The following GLDN variants were observed in gnomAD, a reference collection of about 807,000 sequenced individuals.
GLDN encodes collomin.
In GLDN, 47 loss-of-function variants were observed where a neutral mutation model predicts 56.5. The observed-to-expected ratio is 0.83, with a 90% CI of 0.66 to 1.06. GLDN has a LOEUF of 1.06. Among genes scored for constraint, GLDN ranks in the 50% least tolerant of loss-of-function variants. The pLI is 0.00. For missense variants in GLDN, 782 were observed against 714.3 expected, an observed-to-expected ratio of 1.09 and a Z score of -1.08; for synonymous variants, 332 against 278.8, an observed-to-expected ratio of 1.19 and a Z score of -1.90.
downstream of GLDN, among the ~76,000 whole-genome samples, chr15:51,411,037 A>T (rs1306946427): frequency 6.6e-6 from 1 of 152,218 alleles, no homozygotes; most frequent in African/African-American, 2.4e-5. Flanking sequence ...GTAGAAAGGA[A>T]GGCATTAGCT....
chr15:51,374,889 C>T (rs1304357933), intron 1 of GLDN, among the ~76,000 whole-genome samples: 1 of 151,842 alleles, frequency 6.6e-6, no homozygotes, highest in African/African-American at 2.4e-5. Flanking sequence ...ATATGCATGC[C>T]ACTATATCCA....
intron 5 of GLDN, among the ~76,000 whole-genome samples, chr15:51,395,699 C>G (rs1461733774): frequency 6.6e-6 from 1 of 152,162 alleles, no homozygotes; most frequent in Non-Finnish European, 1.5e-5. Context: ...TTTCGCTTAA[C>G]ACCTGTACTA....
intron 1 of GLDN, among the ~76,000 whole-genome samples, chr15:51,348,636 AT>A (rs1031056295): frequency 6.0e-5 from 9 of 149,778 alleles, no homozygotes; most frequent in Admixed American, 2.0e-4. Flanking sequence ...GTCTAGCCTG[AT>A]TTTTTTTTTA....
At chr15:51,403,523 T>C (rs926557865) in intron 9 of GLDN, among the ~76,000 whole-genome samples, 2 of 152,232 alleles carry the variant, frequency 1.3e-5, no homozygotes, top group Admixed American at 1.3e-4. Flanking sequence ...TTACGTACCT[T>C]TTGAATTATA....
chr15:51,400,551 C>A, intron 8 of GLDN, 53 bp downstream of exon 8: 1 of 1,576,890 alleles, frequency 6.3e-7, no homozygotes, highest in Non-Finnish European at 8.6e-7. Flanking sequence ...TATTTTTCAT[C>A]TGTTGCCTAC....
intron 1 of GLDN, among the ~76,000 whole-genome samples, chr15:51,360,777 A>G (rs1189522152): frequency 2.0e-5 from 3 of 152,322 alleles, no homozygotes; most frequent in Non-Finnish European, 4.4e-5. Flanking sequence ...AGGGAGGGAC[A>G]TATTAGCTAA....
At chr15:51,361,660 CAT>C (rs1313991929) in intron 1 of GLDN, among the ~76,000 whole-genome samples, 1 of 152,180 alleles carries the variant, frequency 6.6e-6, no homozygotes, top group Non-Finnish European at 1.5e-5. Flanking sequence ...GTGAACAAAA[CAT>C]ATATATATCC....
intron 2 of GLDN, among the ~76,000 whole-genome samples, chr15:51,383,100 C>T (rs2037802657): frequency 6.6e-6 from 1 of 152,182 alleles, no homozygotes; most frequent in African/African-American, 2.4e-5. Context: ...TGCTAACCCC[C>T]ATGCTAGGGC....
At chr15:51,373,288 C>G (rs1174387431) in intron 1 of GLDN, among the ~76,000 whole-genome samples, 5 of 152,214 alleles carry the variant, frequency 3.3e-5, no homozygotes, top group African/African-American at 1.2e-4. Context: ...CGCACACACT[C>G]AAGTTCCTGA....
chr15:51,398,515 A>G (rs750791800), intron 6 of GLDN, among the ~76,000 whole-genome samples: 17 of 152,234 alleles, frequency 1.1e-4, no homozygotes, highest in Admixed American at 3.3e-4. Flanking sequence ...GAGGATCCTC[A>G]CTGGAATTTC....
intron 1 of GLDN, among the ~76,000 whole-genome samples, chr15:51,343,343 A>T (rs1433158947): frequency 1.4e-5 from 2 of 145,864 alleles, no homozygotes; most frequent in African/African-American, 2.7e-5. Context: ...TCAAAAAAGG[A>T]CTGCTATAAG....
chr15:51,383,519 G>A (rs1019885339), intron 3 of GLDN, 66 bp downstream of exon 3: 14 of 1,578,148 alleles, frequency 8.9e-6, no homozygotes, highest in Non-Finnish European at 1.2e-5. Flanking sequence ...GGATCTCCCT[G>A]TTGGGACAGA....
intron 1 of GLDN, among the ~76,000 whole-genome samples, chr15:51,354,242 T>C (rs960761045): frequency 6.6e-6 from 1 of 152,192 alleles, no homozygotes. Flanking sequence ...TGAAGTACTT[T>C]ATAATGAGTT....
chr15:51,372,643 C>T (rs1466139402), intron 1 of GLDN, among the ~76,000 whole-genome samples: 1 of 152,190 alleles, frequency 6.6e-6, no homozygotes, highest in African/African-American at 2.4e-5. Flanking sequence ...ACCAGATTCT[C>T]ATATCATGAA....
chr15:51,377,367 T>C, intron 1 of GLDN, 82 bp from the exon 2 acceptor site: 3 of 1,211,578 alleles, frequency 2.5e-6, no homozygotes, highest in Non-Finnish European at 3.6e-6. Context: ...CTTTTTATGA[T>C]TGCTTTCTGC....
At chr15:51,401,468 GA>G in intron 8 of GLDN, 124 bp from the exon 9 acceptor site, 2 of 811,154 alleles carry the variant, frequency 2.5e-6, no homozygotes, top group Non-Finnish European at 2.0e-6. Context: ...CTTCACACTG[GA>G]CAAGGGACCT....
In GLDN at chr15:51,377,147, A is replaced by T. The variant is rs1044028995; in HGVS notation, c.364-302A>T. ...TGCTTTTTACAATCTGCAGTGTGGT[A>T]GGTTTGTTTATACCAGCATCACCAC... On this transcript the variant is annotated intron_variant, in intron 1 of 9. Transcript: ENST00000335449. The T allele has an allele frequency of 9.5e-6, 4 of 418,850 alleles. No individual in the cohort carries two copies. In the Admixed American group the frequency reaches 1.2e-4, roughly 13 times the overall value. The allele number at this position is 418,850 out of a possible 1,614,324, so 25.9% of individuals were successfully genotyped here.
intron 1 of GLDN, among the ~76,000 whole-genome samples, chr15:51,375,093 T>C (rs1380872966): frequency 6.6e-6 from 1 of 152,200 alleles, no homozygotes; most frequent in Non-Finnish European, 1.5e-5. Context: ...AGGCAATAAA[T>C]AGCTGTTGAC....
chr15:51,397,466 C>T lies in GLDN; in HGVS notation c.689-4C>T. The T allele has an allele frequency of 1.4e-6, 2 of 1,476,912 alleles. No individual in the cohort carries two copies. The allele number at this position is 1,476,912 out of a possible 1,614,324, so 91.5% of individuals were successfully genotyped here. ...TCTCTCCCTTTCTCTCTCTCTCTCT[C>T]CAGGTGCCAAAGGTGACCAAGGCCC... On this transcript the variant is annotated splice_polypyrimidine_tract_variant and splice_region_variant and intron_variant, in intron 5 of 9. Transcript: ENST00000335449.
Sources: gnomAD v4.1 joint callset for allele counts (sites outside exome capture counted in the v4.1 genomes callset) on GRCh38, gnomAD v4.1.1 for gene constraint, MANE v1.5 for transcripts, NCBI Gene and HGNC (gene_info 2026-07-23, HGNC 2026-07-21) for gene names.